Variants in LMNTD1 observed in about 807,000 individuals in gnomAD.
The protein encoded by LMNTD1 is lamin tail domain containing 1.
A neutral mutation model predicts 50.9 loss-of-function variants in LMNTD1; 35 were observed. The ratio of observed to expected loss-of-function variants is 0.69; its 90% CI spans 0.53 to 0.91. The LOEUF (loss-of-function observed/expected upper bound fraction) is 0.91, where lower values mean the gene tolerates loss of function less well. Among genes scored for constraint, LMNTD1 ranks in the 40% least tolerant of loss-of-function variants. LMNTD1 has a pLI of 0.00. For synonymous variants in LMNTD1, 153 were observed against 161.9 expected (o/e 0.94, Z 0.42); for missense variants, 470 against 475.5 (o/e 0.99, Z 0.11).
chr12:25,483,253 T>C (rs899090018), intron 9 of LMNTD1, among the ~76,000 whole-genome samples: 2 of 151,344 alleles, frequency 1.3e-5, no homozygotes, highest in African/African-American at 2.4e-5. Flanking sequence ...GGCAAAACCC[T>C]GTCTCTAAAA....
intron 9 of LMNTD1, among the ~76,000 whole-genome samples, chr12:25,483,061 GT>G (rs1408578590): frequency 6.6e-6 from 1 of 151,988 alleles, no homozygotes; most frequent in East Asian, 1.9e-4. Context: ...CAGCATTTGT[GT>G]TTACCTTGCA....
At chr12:25,505,802 A>AT (rs1226781361) in intron 8 of LMNTD1, among the ~76,000 whole-genome samples, 24 of 152,182 alleles carry the variant, frequency 1.6e-4, no homozygotes, top group South Asian at 1.4e-3. Flanking sequence ...TTCATTTAAC[A>AT]TTTTTTATAC....
At chr12:25,502,030 G>A (rs1461194178) in intron 9 of LMNTD1, among the ~76,000 whole-genome samples, 2 of 152,028 alleles carry the variant, frequency 1.3e-5, no homozygotes, top group Admixed American at 6.6e-5. Context: ...AAAACAGGGT[G>A]GGCAGATTTT....
chr12:25,590,411 AG>A (rs1945661167), intron 1 of LMNTD1, among the ~76,000 whole-genome samples: 1 of 152,210 alleles, frequency 6.6e-6, no homozygotes, highest in South Asian at 2.1e-4. Context: ...AGTTTCCCAA[AG>A]CCTTGCCACT....
At chr12:25,549,273 G>T in intron 3 of LMNTD1, 53 bp downstream of exon 3, 1 of 980,130 alleles carries the variant, frequency 1.0e-6, no homozygotes, top group Non-Finnish European at 1.5e-6. Context: ...GCAATCTATT[G>T]AAATATAAGC....
At chr12:25,607,584 T>A (rs1096009) in intron 1 of LMNTD1, among the ~76,000 whole-genome samples, 13 of 152,224 alleles carry the variant, frequency 8.5e-5, no homozygotes, top group Admixed American at 2.0e-4. Context: ...CCTTCATTTC[T>A]TTATGTACCC....
intron 4 of LMNTD1, among the ~76,000 whole-genome samples, chr12:25,535,942 A>G (rs1291325542): frequency 6.6e-6 from 1 of 151,868 alleles, no homozygotes. Flanking sequence ...TTAATATCAG[A>G]CAAAATATAT....
intron 3 of LMNTD1, among the ~76,000 whole-genome samples, chr12:25,548,090 G>A (rs925102667): frequency 3.3e-5 from 5 of 151,658 alleles, no homozygotes; most frequent in Admixed American, 1.3e-4. Context: ...TTCATTTTCA[G>A]TATATGGGTT....
intron 1 of LMNTD1, among the ~76,000 whole-genome samples, chr12:25,612,330 G>A (rs868253634): frequency 3.5e-4 from 38 of 110,082 alleles, no homozygotes; most frequent in African/African-American, 1.2e-3. Flanking sequence ...ACACACACAC[G>A]CGCTCCCACT....
Position 25,578,392 on chromosome 12 carries a change from G to A in LMNTD1, c.59-31838C>T, listed in dbSNP as rs1165795559. On this transcript the variant is annotated intron_variant, in intron 1 of 7. Coordinates refer to the LMNTD1 transcript ENST00000445693. Reference sequence around the variant, plus strand: ...ACCAGTAAGTGAGAATGTGCCAAAAGTAAATTACTCAACTCCATAGCTTTT... The same window carrying A: ...ACCAGTAAGTGAGAATGTGCCAAAAATAAATTACTCAACTCCATAGCTTTT... 2.0e-5 allele frequency among the ~76,000 whole-genome samples: 3 copies of A among 152,150 alleles called. No homozygotes were observed. In the East Asian group the frequency reaches 5.8e-4, roughly 29 times the overall value.
intron 8 of LMNTD1, among the ~76,000 whole-genome samples, chr12:25,515,317 G>C (rs1221177726): frequency 6.6e-6 from 1 of 151,892 alleles, no homozygotes; most frequent in Non-Finnish European, 1.5e-5. Context: ...CTACATAATG[G>C]TTAAAGTGAC....
chr12:25,518,776 A>G lies in LMNTD1; in HGVS notation c.1189+19T>C. 1 of 1,612,632 alleles carries G rather than the reference A, an allele frequency of 6.2e-7. No individual in the cohort carries two copies. The highest frequency in any genetic ancestry group is 8.5e-7 in the Non-Finnish European group (1 of 1,178,836). On this transcript the variant is annotated intron_variant, in intron 8 of 9. Transcript: ENST00000458174. ...ACACACACGCACTCTCCACTGGAAC[A>G]AGCACTCTTTTAACTGACCTGAGGC... is the stretch of plus-strand genomic sequence containing the variant.
At chr12:25,578,154 A>C (rs1463128790) in intron 1 of LMNTD1, among the ~76,000 whole-genome samples, 5 of 152,220 alleles carry the variant, frequency 3.3e-5, no homozygotes, top group African/African-American at 4.8e-5. Context: ...ACACATGCAC[A>C]CACACACACA....
At chr12:25,520,149 T>TATAG in intron 6 of LMNTD1, 74 bp from the exon 7 acceptor site, 1 of 170,694 alleles carries the variant, frequency 5.9e-6, no homozygotes, top group Non-Finnish European at 1.1e-5. Context: ...GATATACATA[T>TATAG]ATATATATAT....
chr12:25,604,847 C>A (rs534764916), intron 1 of LMNTD1, among the ~76,000 whole-genome samples: 4 of 152,030 alleles, frequency 2.6e-5, no homozygotes, highest in Non-Finnish European at 5.9e-5. Flanking sequence ...ATTTATAATC[C>A]TTTGCGTATA....
chr12:25,624,832 A>C (rs1946551497), intron 1 of LMNTD1, among the ~76,000 whole-genome samples: 1 of 152,240 alleles, frequency 6.6e-6, no homozygotes, highest in African/African-American at 2.4e-5. Context: ...TCACTTCTAC[A>C]AATAAGTTAC....
intron 1 of LMNTD1, among the ~76,000 whole-genome samples, chr12:25,581,389 G>A (rs1945280806): frequency 6.6e-6 from 1 of 152,184 alleles, no homozygotes; most frequent in Admixed American, 6.5e-5. Context: ...CAGGTCAGCT[G>A]TCAAGATGGG....
chr12:25,521,155 C>T (rs1565965516), intron 6 of LMNTD1, among the ~76,000 whole-genome samples: 1 of 151,760 alleles, frequency 6.6e-6, no homozygotes, highest in Non-Finnish European at 1.5e-5. Context: ...TTTTCCCAGT[C>T]GGTAGGGTGC....
chr12:25,489,701 G>T (rs1938822926), intron 9 of LMNTD1, among the ~76,000 whole-genome samples: 1 of 152,160 alleles, frequency 6.6e-6, no homozygotes, highest in African/African-American at 2.4e-5. Context: ...AAACTCGCTT[G>T]TAATGAAATT....
Sources: allele counts gnomAD v4.1 joint callset (sites outside exome capture counted in the v4.1 genomes callset), GRCh38; gene constraint gnomAD v4.1.1; transcripts MANE v1.5; gene names NCBI Gene and HGNC (gene_info 2026-07-23, HGNC 2026-07-21).